Variants in SEC24C observed in about 807,000 individuals in gnomAD.
SEC24C encodes protein transport protein Sec24C.
Under a neutral mutation model 117.0 loss-of-function variants are expected in SEC24C, and 22 were observed. The observed-to-expected ratio is 0.19, with a 90% confidence interval of 0.13 to 0.27. SEC24C has a LOEUF of 0.27. SEC24C is among the 10% of genes least tolerant of loss of function. The probability of loss-of-function intolerance (pLI) is 1.00; values close to 1 mark genes in which losing one functional copy is unlikely to be tolerated. For missense variants in SEC24C, 1,155 were observed against 1,375.1 expected (o/e 0.84, Z 2.53); for synonymous variants, 506 against 529.4 (o/e 0.96, Z 0.61).
At chr10:73,768,728 G>GC in intron 15 of SEC24C, 82 bp from the exon 16 acceptor site, 1 of 1,275,830 alleles carries the variant, frequency 7.8e-7, no homozygotes, top group African/African-American at 1.5e-5. Flanking sequence ...TGGCCTTGTA[G>GC]AGTGGAAGGG....
intron 10 of SEC24C, 42 bp from the exon 11 acceptor site, chr10:73,766,041 CCTG>C: frequency 6.2e-7 from 1 of 1,604,720 alleles, no homozygotes; most frequent in Non-Finnish European, 8.5e-7. Flanking sequence ...AGTCAACTGG[CCTG>C]CTTACCATTC....
chr10:73,763,467 T>G (rs375173884), intron 6 of SEC24C, 23 bp from the exon 7 acceptor site: 2 of 1,473,582 alleles, frequency 1.4e-6, no homozygotes, highest in African/African-American at 2.8e-5. Flanking sequence ...TTCTGTCACC[T>G]CATTCATTGC....
Position 73,770,918 on chromosome 10 carries a change from T to C in SEC24C, c.3145-37T>C, listed in dbSNP as rs761338945. On this transcript the variant is annotated intron_variant, in intron 22 of 22. Transcript: ENST00000345254. ...GATTTCTGGGCATGTTTAATTTCCT[T>C]TGGCCTTGCCTTATGAACCCTGAAT... The C allele has an allele frequency of 7.4e-6, 12 of 1,613,908 alleles. No homozygotes were observed. In the Admixed American group the frequency reaches 1.5e-4, roughly 20 times the overall value.
intron 3 of SEC24C, among the ~76,000 whole-genome samples, chr10:73,756,605 T>TA (rs1193076497): frequency 7.2e-6 from 1 of 139,390 alleles, no homozygotes; most frequent in Non-Finnish European, 1.6e-5. Context: ...CTCAGTAATA[T>TA]TTTTTTTTTT....
chr10:73,751,167 T>C lies in SEC24C; in HGVS notation c.232T>C (p.Cys78Arg), dbSNP rs1340401933. The change falls in exon 3 of 23, where the codon TGT becomes CGT. Residue 78 changes from cysteine (C) to arginine (R), a missense_variant. Physicochemically the swap from Cys to Arg is radical, Grantham distance 180. This residue lies in a region of SEC24C where 396 missense variants were observed against 382.8 expected (regional missense o/e 1.03). Transcript: ENST00000345254. ...TCCAGCCTCAACAGCACAGGCTCCT[T>C]GTGGCCAGGCTGCATATGGCCAGTT... ...APPASTAQAP[C>R]GQAAYGQFGQ... 6.2e-7 allele frequency: 1 copy of C among 1,614,198 alleles called. No homozygotes were observed. The highest frequency in any genetic ancestry group is 2.2e-5 in the East Asian group (1 of 44,886).
chr10:73,771,457 GA>G lies in SEC24C; in HGVS notation c.*365del. The G allele has an allele frequency of 4.6e-6, 1 of 218,596 alleles. No individual in the cohort carries two copies. 13.5% of individuals were successfully genotyped at this position (218,596 alleles called of 1,614,324 possible). A position where few individuals can be genotyped will look rare whatever the true frequency, so the allele number is the denominator to read the frequency against. On this transcript the variant is annotated 3_prime_UTR_variant, in exon 23 of 23. Coordinates refer to ENST00000345254, the MANE Select transcript of SEC24C (RefSeq NM_198597.3). ...CTCCCAAGAGGAGAGGGGCAGGCAG[GA>G]AAGAGTGGGGATCCTAAGGTTACTA...
At position 73,771,323 on chromosome 10, in the gene SEC24C, CT is replaced by C; in HGVS notation, c.*229del. ...CCCTCATTCTACCCTCTTTTTCCTG[CT>C]AATCCTGTCATAATGAATGTAGCTT... On this transcript the variant is annotated 3_prime_UTR_variant, in exon 23 of 23. Transcript: ENST00000345254. 1.8e-6 allele frequency: 1 copy of C among 549,844 alleles called. No individual in the cohort carries two copies. 34.1% of individuals were successfully genotyped at this position (549,844 alleles called of 1,614,324 possible).
Position 73,763,474 on chromosome 10 carries a change from T to C in SEC24C, c.988-16T>C, listed in dbSNP as rs1240675043. ...CCTTTTTCTTCTGTCACCTCATTCATTGCACTTCTCTGCAGATTCAGGTCA... is the reference window on the plus strand; with the variant it reads ...CCTTTTTCTTCTGTCACCTCATTCACTGCACTTCTCTGCAGATTCAGGTCA... On this transcript the variant is annotated splice_polypyrimidine_tract_variant and intron_variant, in intron 6 of 22. Transcript: ENST00000345254. The C allele has an allele frequency of 2.0e-6, 3 of 1,531,752 alleles. No homozygotes were observed. Among genetic ancestry groups the C allele is most frequent in the Non-Finnish European group, 2.7e-6 (3 of 1,106,190 alleles). The allele number at this position is 1,531,752 out of a possible 1,614,324, so 94.9% of individuals were successfully genotyped here. A position where few individuals can be genotyped will look rare whatever the true frequency, so the allele number is the denominator to read the frequency against.
In SEC24C at chr10:73,771,962, T is replaced by C. The variant is rs151048916; in HGVS notation, c.*867T>C. ...TCTCCTGCTGGGACACCGCTTGGGC[T>C]TTGGTATTGACTGAGTGGCTGACAG... On this transcript the variant is annotated 3_prime_UTR_variant, in exon 23 of 23. Transcript: ENST00000345254. 1.5e-4 allele frequency: 30 copies of C among 202,558 alleles called. No homozygotes were observed. Among genetic ancestry groups the C allele is most frequent in the African/African-American group, 6.7e-4 (29 of 43,594 alleles). The allele number at this position is 202,558 out of a possible 1,614,324, so 12.5% of individuals were successfully genotyped here.
intron 12 of SEC24C, 86 bp from the exon 13 acceptor site, chr10:73,766,674 C>G: frequency 6.9e-7 from 1 of 1,452,072 alleles, no homozygotes; most frequent in Non-Finnish European, 9.6e-7. Context: ...ATTCTAGAGG[C>G]TTGATGACTC....
rs1045238315 is a variant in SEC24C at position 73,746,963 on chromosome 10, A to G, written c.131A>G (p.Tyr44Cys). ...STAPAIPYGA[Y>C]NGPVPGYQQT... ...GCCCCCGCCATTCCCTATGGAGCCT[A>G]CAATGGCCCAGTACCAGGCTATCAG... Residue 44 changes from tyrosine to cysteine, a missense_variant, in exon 2 of 23, where the codon TAC (tyrosine) becomes TGC (cysteine). Coordinates refer to ENST00000345254, the MANE Select transcript of SEC24C (RefSeq NM_198597.3). The G allele has an allele frequency of 3.7e-5, 59 of 1,613,866 alleles. No homozygotes were observed. The highest frequency in any genetic ancestry group is 5.0e-5 in the Non-Finnish European group (59 of 1,179,950).
In SEC24C at chr10:73,755,140, C is replaced by CA. The variant is rs981380004; in HGVS notation, c.308+3907dup. 1.2e-3 allele frequency among the ~76,000 whole-genome samples: 165 copies of CA among 143,378 alleles called. 1 individual carries two copies. Among genetic ancestry groups the CA allele is most frequent in the Middle Eastern group, 3.5e-3 (1 of 282 alleles). 94.1% of individuals were successfully genotyped at this position (143,378 alleles called of 152,430 possible). ...AGAGTAAGACCCCATCTCAAACAAA[C>CA]AAAAAAAAAACAAAAGACAATGAGA... On this transcript the variant is annotated intron_variant, in intron 3 of 22. Transcript: ENST00000345254.
Position 73,769,768 on chromosome 10 carries a change from T to C in SEC24C, c.2682+35T>C. The stretch of plus-strand genomic sequence containing the variant: ...GTATATTAGTGGGAGGTGGGGTTGT[T>C]GGGACAAATGTTTGCATTTGGGAGG... On this transcript the variant is annotated intron_variant, in intron 19 of 22. Transcript: ENST00000345254. This position sits in a 1 kb window ranked among gnomAD's most constrained non-coding sequence, Gnocchi z 4.5. 6.2e-7 allele frequency: 1 copy of C among 1,612,344 alleles called. No homozygotes were observed. Among genetic ancestry groups the C allele is most frequent in the Non-Finnish European group, 8.5e-7 (1 of 1,178,440 alleles).
At chr10:73,744,926 C>A (rs1012504503) in intron 1 of SEC24C, among the ~76,000 whole-genome samples, 2 of 152,158 alleles carry the variant, frequency 1.3e-5, no homozygotes, top group Non-Finnish European at 2.9e-5. Flanking sequence ...AAGCTCCTTT[C>A]TTTACCCCTC....
At chr10:73,765,189 G>T (rs1026420370) in intron 8 of SEC24C, among the ~76,000 whole-genome samples, 1 of 152,172 alleles carries the variant, frequency 6.6e-6, no homozygotes, top group African/African-American at 2.4e-5. Flanking sequence ...TGATATGGCC[G>T]GTTTTGCATT....
Position 73,758,415 on chromosome 10 carries a change from A to G in SEC24C, c.309-1207A>G, listed in dbSNP as rs1332860011. 2.6e-5 allele frequency among the ~76,000 whole-genome samples: 4 copies of G among 152,208 alleles called. No homozygotes were observed. The South Asian group carries it at 6.2e-4, about 24-fold the overall frequency. On this transcript the variant is annotated intron_variant, in intron 3 of 22. Transcript: ENST00000345254. ...ATTCGTCTGTTTAAAGTGTTTTTGT[A>G]TATTTAGTGGTTTTTAATATATTGA...
chr10:73,770,092 T>C, intron 20 of SEC24C, 77 bp downstream of exon 20: 1 of 1,395,784 alleles, frequency 7.2e-7, no homozygotes. Flanking sequence ...TAGGCTAGTA[T>C]CAGTCAGACA....
chr10:73,747,492 C>T (rs1391552565), intron 2 of SEC24C, among the ~76,000 whole-genome samples: 1 of 151,954 alleles, frequency 6.6e-6, no homozygotes, highest in African/African-American at 2.4e-5. Context: ...GCTAGGATTA[C>T]AGGCATCCAC....
intron 15 of SEC24C, 137 bp from the exon 16 acceptor site, chr10:73,768,673 G>T: frequency 1.3e-6 from 1 of 767,444 alleles, no homozygotes; most frequent in Non-Finnish European, 2.2e-6. Context: ...AGCTATTATT[G>T]TCATCATCAT....
Sources: gnomAD v4.1 joint callset for allele counts (sites outside exome capture counted in the v4.1 genomes callset) on GRCh38, gnomAD v4.1.1 for gene constraint, gnomAD v4.1.1 regional missense constraint, Gnocchi (gnomAD v3.1) non-coding constraint, MANE v1.5 for transcripts, NCBI Gene and HGNC (gene_info 2026-07-23, HGNC 2026-07-21) for gene names.